ZNF789: variants seen among roughly 807,000 people sequenced by gnomAD.
ZNF789 encodes the protein zinc finger protein 789.
ZNF789 carries 11 observed loss-of-function variants against 15.6 expected under a neutral mutation model. The observed-to-expected ratio is 0.70, with a 90% CI of 0.44 to 1.16. The LOEUF (loss-of-function observed/expected upper bound fraction) is 1.16, where lower values mean the gene tolerates loss of function less well. ZNF789 is among the 50% of genes most tolerant of loss of function. The pLI, the probability that ZNF789 is intolerant of heterozygous loss-of-function variation, is 0.00. For missense variants in ZNF789, 461 were observed against 512.6 expected (o/e 0.90, Z 0.97); for synonymous variants, 159 against 176.0 (o/e 0.90, Z 0.76).
chr7:99,483,497 G>C (rs1273543911), intron 3 of ZNF789, among the ~76,000 whole-genome samples: 1 of 152,014 alleles, frequency 6.6e-6, no homozygotes, highest in African/African-American at 2.4e-5. Flanking sequence ...AAGCGTGGGG[G>C]CGCTGTGCCT....
intron 4 of ZNF789, chr7:99,485,438 T>C (rs1799882008): frequency 1.6e-6 from 1 of 610,242 alleles, no homozygotes; most frequent in Admixed American, 2.7e-5. Flanking sequence ...CCCATTGCTC[T>C]ATTCAGTTGG....
At chr7:99,479,565 T>C in intron 2 of ZNF789, 96 bp from the exon 3 acceptor site, 1 of 1,443,490 alleles carries the variant, frequency 6.9e-7, no homozygotes. Context: ...TGGCCCACAC[T>C]CTACCTCCCA....
intron 2 of ZNF789, 121 bp from the exon 3 acceptor site, chr7:99,479,540 T>G (rs1799508759): frequency 8.1e-7 from 1 of 1,230,626 alleles, no homozygotes; most frequent in African/African-American, 1.5e-5. Flanking sequence ...ATATTCCTTA[T>G]GAATTGGGTG....
At chr7:99,477,018 G>A (rs1799371179) in intron 2 of ZNF789, among the ~76,000 whole-genome samples, 2 of 151,954 alleles carry the variant, frequency 1.3e-5, no homozygotes, top group Non-Finnish European at 2.9e-5. Flanking sequence ...TAGCATTATG[G>A]AGGGTGATTA....
chr7:99,486,696 A>G lies in ZNF789; in HGVS notation c.486A>G (p.Gln162=). The part of the protein sequence containing the change: ...RGFLQNLNLI[Q]DQNAQTRWKQ... ...TCCTTCAAAACCTTAACCTTATTCAAGATCAGAATGCGCAAACAAGGTGGA... is the reference window on the plus strand; with the variant it reads ...TCCTTCAAAACCTTAACCTTATTCAGGATCAGAATGCGCAAACAAGGTGGA... Residue 162 remains glutamine, a synonymous_variant, in exon 5 of 5, where the codon CAA becomes CAG. Transcript: ENST00000331410. The G allele has an allele frequency of 2.5e-6, 4 of 1,614,252 alleles. No homozygotes were observed. The highest frequency in any genetic ancestry group is 3.4e-6 in the Non-Finnish European group (4 of 1,180,046).
intron 1 of ZNF789, among the ~76,000 whole-genome samples, chr7:99,473,833 C>CT (rs1478990757): frequency 2.0e-5 from 3 of 152,076 alleles, no homozygotes; most frequent in African/African-American, 7.2e-5. Context: ...GTTGGCCAGG[C>CT]TGGTCTTGAA....
At chr7:99,482,969 G>T (rs911724167) in intron 3 of ZNF789, among the ~76,000 whole-genome samples, 1 of 152,150 alleles carries the variant, frequency 6.6e-6, no homozygotes, top group Admixed American at 6.5e-5. Flanking sequence ...GGTGGCTCAC[G>T]CCTGTAATCC....
chr7:99,484,293 A>G, intron 4 of ZNF789, 150 bp downstream of exon 4: 1 of 613,946 alleles, frequency 1.6e-6, no homozygotes, highest in Non-Finnish European at 2.9e-6. Context: ...AAGTGGGAGG[A>G]AGATCGGCGT....
intron 2 of ZNF789, 95 bp from the exon 3 acceptor site, chr7:99,479,566 C>G (rs1799510230): frequency 6.9e-7 from 1 of 1,444,642 alleles, no homozygotes; most frequent in Admixed American, 2.6e-5. Flanking sequence ...GGCCCACACT[C>G]TACCTCCCAA....
intron 4 of ZNF789, chr7:99,485,501 C>T: frequency 2.0e-6 from 1 of 489,550 alleles, no homozygotes; most frequent in South Asian, 3.5e-5. Flanking sequence ...TATACTTTGT[C>T]CATTTTTAAG....
At chr7:99,475,455 C>G (rs1442996750) in intron 1 of ZNF789, among the ~76,000 whole-genome samples, 1 of 151,960 alleles carries the variant, frequency 6.6e-6, no homozygotes, top group Non-Finnish European at 1.5e-5. Flanking sequence ...TAGCAAATCA[C>G]CAGGCTAGAG....
chr7:99,484,202 G>C (rs1359933912), intron 4 of ZNF789, 59 bp downstream of exon 4: 2 of 1,368,402 alleles, frequency 1.5e-6, no homozygotes, highest in African/African-American at 2.9e-5. Context: ...AGGCATGTTA[G>C]TGAAGCCCCT....
intron 3 of ZNF789, chr7:99,483,691 C>T (rs1391585253): frequency 1.2e-5 from 9 of 780,766 alleles, no homozygotes; most frequent in East Asian, 2.4e-5. Context: ...ATGCCTTCAT[C>T]GCATTAATGT....
At chr7:99,479,522 C>T (rs1344160296) in intron 2 of ZNF789, 139 bp from the exon 3 acceptor site, 5 of 1,030,252 alleles carry the variant, frequency 4.9e-6, no homozygotes, top group East Asian at 5.7e-5. Flanking sequence ...CTGAAAGGAG[C>T]CCTGAATATA....
chr7:99,477,622 A>T (rs1198474073), intron 2 of ZNF789, among the ~76,000 whole-genome samples: 1 of 151,126 alleles, frequency 6.6e-6, no homozygotes, highest in East Asian at 2.0e-4. Flanking sequence ...TCCAGGTGTG[A>T]GCCACCGCGC....
chr7:99,487,049 C>G lies in ZNF789; in HGVS notation c.839C>G (p.Thr280Ser). The G allele has an allele frequency of 1.9e-6, 3 of 1,613,952 alleles. No homozygotes were observed. Among genetic ancestry groups the G allele is most frequent in the Non-Finnish European group, 2.5e-6 (3 of 1,180,016 alleles). ...AYLVEHKRIH[T>S]KEKPYKCSKC... ...CTTGTTGAACATAAGAGGATTCACA[C>G]CAAAGAAAAACCTTATAAATGTAGC... is the stretch of plus-strand genomic sequence containing the variant. The change falls in exon 5 of 5, where the codon ACC (threonine) becomes AGC (serine). Residue 280 changes from threonine (T) to serine (S), a missense_variant. By Grantham distance (58) the Thr-to-Ser change is moderately conservative (BLOSUM62 1). Transcript: ENST00000331410.
Position 99,479,787 on chromosome 7 carries a change from G to T in ZNF789, c.151G>T (p.Gly51Ter). 1 of 1,612,408 alleles carries T rather than the reference G, an allele frequency of 6.2e-7. No homozygotes were observed. The highest frequency in any genetic ancestry group is 8.5e-7 in the Non-Finnish European group (1 of 1,179,134). ...LENYRNMVLLGFQFPKPEMIC... is the reference protein window; with the variant it reads ...LENYRNMVLL ...GAACTACAGGAACATGGTCTTGCTG[G>T]GTAGGACACGGCTTGAAGATTGGGC... Residue 51 changes from glycine (G) to a stop codon, truncating the protein, a stop_gained and splice_region_variant, in exon 3 of 5, where the codon GGA becomes TGA. Transcript: ENST00000331410. LOFTEE classifies it high-confidence loss of function.
rs756472895 is a variant in ZNF789, at chr7:99,486,900, G to A, written c.690G>A (p.Glu230=). 3.1e-6 allele frequency: 5 copies of A among 1,614,054 alleles called. No homozygotes were observed. The South Asian group carries it at 5.5e-5, about 18-fold the overall frequency. The part of the protein sequence containing the change: ...QRIHFLENPF[E]CKVCGQAFRQ... ...TTCACTTTTTAGAGAATCCTTTTGAGTGTAAGGTCTGTGGGCAAGCCTTCA... is the reference window on the plus strand; with the variant it reads ...TTCACTTTTTAGAGAATCCTTTTGAATGTAAGGTCTGTGGGCAAGCCTTCA... The change falls in exon 5 of 5, where the codon GAG becomes GAA. Residue 230 remains glutamate (E), a synonymous_variant. Coordinates refer to ENST00000331410, the MANE Select transcript of ZNF789 (RefSeq NM_213603.3).
At position 99,486,764 on chromosome 7, in the gene ZNF789, G is replaced by T; in HGVS notation, c.554G>T (p.Arg185Ile). 6.2e-7 allele frequency: 1 copy of T among 1,614,208 alleles called. No individual in the cohort carries two copies. The highest frequency in any genetic ancestry group is 8.5e-7 in the Non-Finnish European group (1 of 1,180,030). Reference protein sequence around the residue: ...YDEDGKPFNQRSLLLGHERIL... With the variant: ...YDEDGKPFNQISLLLGHERIL... ...GAGGATGGCAAACCCTTCAATCAAAGATCTTTGCTTTTGGGGCATGAGCGA... is the reference window on the plus strand; with the variant it reads ...GAGGATGGCAAACCCTTCAATCAAATATCTTTGCTTTTGGGGCATGAGCGA... The change falls in exon 5 of 5, where the codon AGA becomes ATA. Residue 185 changes from arginine (R) to isoleucine (I), a missense_variant. Physicochemically the swap from Arg to Ile is moderately conservative, Grantham distance 97. Transcript: ENST00000331410.
Sources: allele counts gnomAD v4.1 joint callset (sites outside exome capture counted in the v4.1 genomes callset), GRCh38; gene constraint gnomAD v4.1.1; transcripts MANE v1.5; gene names NCBI Gene and HGNC (gene_info 2026-07-23, HGNC 2026-07-21).